IRF8: variants seen among roughly 807,000 people sequenced by gnomAD.
IRF8 encodes the protein interferon consensus sequence binding protein 1.
Under a neutral mutation model 48.7 loss-of-function variants are expected in IRF8, and 14 were observed. The ratio of observed to expected loss-of-function variants is 0.29; its 90% CI spans 0.19 to 0.45. The LOEUF (loss-of-function observed/expected upper bound fraction) is 0.45. IRF8 is among the 20% of genes least tolerant of loss of function. The pLI is 1.00. For missense variants in IRF8, 493 were observed against 580.7 expected, an observed-to-expected ratio of 0.85 and a Z score of 1.55; for synonymous variants, 278 against 227.3, an observed-to-expected ratio of 1.22 and a Z score of -2.01.
At chr16:85,909,951 A>T (rs533631370) in intron 3 of IRF8, 1 of 152,262 alleles carries the variant, frequency 6.6e-6, no homozygotes, top group South Asian at 2.1e-4. Flanking sequence ...AGAATAACCC[A>T]CTCTGGCTTT....
At chr16:85,909,384 T>C in intron 3 of IRF8, 2 of 581,960 alleles carry the variant, frequency 3.4e-6, no homozygotes, top group South Asian at 1.9e-5. Context: ...GCCCAACCTG[T>C]GCCCCACTTG....
At position 85,911,554 on chromosome 16, in the gene IRF8, G is replaced by A. The variant is rs1905142607; in HGVS notation, c.359-16G>A. On this transcript the variant is annotated splice_polypyrimidine_tract_variant and intron_variant, in intron 3 of 8. Coordinates refer to ENST00000268638, the MANE Select transcript of IRF8 (RefSeq NM_002163.4). ...CTCCGTGCCATGTGTCATGGTGTTT[G>A]TCTGGTTTTCTGTAGGCAAACTAGG... 7 of 1,611,304 alleles carry A rather than the reference G, an allele frequency of 4.3e-6. No individual in the cohort carries two copies. The highest frequency in any genetic ancestry group is 2.2e-5 in the East Asian group (1 of 44,892).
chr16:85,918,775 G>C lies in IRF8; in HGVS notation c.960G>C (p.Gln320His). The change falls in exon 7 of 9, where the codon CAG (glutamine) becomes CAC (histidine). Residue 320 changes from glutamine (Q) to histidine (H), a missense_variant. Transcript: ENST00000268638. ...PNKLERDEVVQVFDTSQFFRE... is the reference protein window; with the variant it reads ...PNKLERDEVVHVFDTSQFFRE... The stretch of plus-strand genomic sequence containing the variant: ...AGCTGGAGCGTGATGAGGTGGTCCA[G>C]GTCTTCGACACCAGCCAGTTCTTCC... 6.2e-7 allele frequency: 1 copy of C among 1,610,784 alleles called. No individual in the cohort carries two copies. Among genetic ancestry groups the C allele is most frequent in the Non-Finnish European group, 8.5e-7 (1 of 1,180,030 alleles).
Position 85,918,699 on chromosome 16 carries a change from G to C in IRF8, c.884G>C (p.Gly295Ala). 1 of 1,612,208 alleles carries C rather than the reference G, an allele frequency of 6.2e-7. No individual in the cohort carries two copies. Among genetic ancestry groups the C allele is most frequent in the Non-Finnish European group, 8.5e-7 (1 of 1,179,976 alleles). Residue 295 changes from glycine (G) to alanine (A), a missense_variant, in exon 7 of 9, where the codon GGC becomes GCC. Transcript: ENST00000268638. ...GTGTTCGTCAAGCGGCTGTGCCAGG[G>C]CCGCGTGTTCTGCAGCGGCAACGCC... ...QGVFVKRLCQ[G>A]RVFCSGNAVV... is the part of the protein sequence containing the mutation.
intron 5 of IRF8, 159 bp downstream of exon 5, chr16:85,913,395 C>A (rs548646007): frequency 3.0e-6 from 2 of 661,220 alleles, no homozygotes; most frequent in South Asian, 3.3e-5. Flanking sequence ...GCCCTGGTTT[C>A]CCAACATGAG....
Position 85,903,077 on chromosome 16 carries a change from G to C in IRF8, c.62G>C (p.Ser21Thr). 2 of 1,614,202 alleles carry C rather than the reference G, an allele frequency of 1.2e-6. No homozygotes were observed. Among genetic ancestry groups the C allele is most frequent in the Non-Finnish European group, 8.5e-7 (1 of 1,180,014 alleles). The change falls in exon 2 of 9, where the codon AGC becomes ACC. Residue 21 changes from serine to threonine, a missense_variant. This residue lies in a region of IRF8 where 54 missense variants were observed against 59.9 expected (regional missense o/e 0.90). Coordinates refer to ENST00000268638, the MANE Select transcript of IRF8 (RefSeq NM_002163.4). ...RQWLIEQIDS[S>T]MYPGLIWENE... ...TGGCTGATCGAGCAGATTGACAGTAGCATGTATCCAGGACTGATTTGGGAG... is the reference window on the plus strand; with the variant it reads ...TGGCTGATCGAGCAGATTGACAGTACCATGTATCCAGGACTGATTTGGGAG...
At chr16:85,915,906 T>C (rs998093257) in intron 6 of IRF8, among the ~76,000 whole-genome samples, 69 of 152,328 alleles carry the variant, frequency 4.5e-4, no homozygotes, top group African/African-American at 1.6e-3. Flanking sequence ...CTGTGAGCTT[T>C]GGTACCTCTG....
At chr16:85,903,287 A>G in intron 2 of IRF8, 98 bp downstream of exon 2, 1 of 1,197,998 alleles carries the variant, frequency 8.3e-7, no homozygotes, top group Non-Finnish European at 1.2e-6. Context: ...ATTTACTTAA[A>G]AATTAATCCA....
intron 1 of IRF8, among the ~76,000 whole-genome samples, chr16:85,901,407 A>G (rs1368998132): frequency 6.6e-6 from 1 of 152,142 alleles, no homozygotes; most frequent in African/African-American, 2.4e-5. Flanking sequence ...TGGGAGGATC[A>G]CTTGAGGCCG....
chr16:85,908,595 T>C (rs1373207181), intron 2 of IRF8, among the ~76,000 whole-genome samples: 1 of 152,256 alleles, frequency 6.6e-6, no homozygotes, highest in Non-Finnish European at 1.5e-5. Flanking sequence ...AGCAACAACT[T>C]GTTCTTTGTT....
intron 2 of IRF8, among the ~76,000 whole-genome samples, chr16:85,904,146 G>A (rs1403454921): frequency 6.6e-6 from 1 of 152,230 alleles, no homozygotes; most frequent in East Asian, 1.9e-4. Flanking sequence ...TCAAGGTCAA[G>A]CTAGACTTCC....
intron 6 of IRF8, among the ~76,000 whole-genome samples, chr16:85,916,409 T>G (rs1323423648): frequency 6.6e-6 from 1 of 152,180 alleles, no homozygotes. Flanking sequence ...GGTGAGTGGC[T>G]CTATAAGGGC....
At chr16:85,904,812 C>CTTTTTTTTTTTTTTTT (rs1177860791) in intron 2 of IRF8, among the ~76,000 whole-genome samples, 31 of 87,622 alleles carry the variant, frequency 3.5e-4, no homozygotes, top group East Asian at 7.4e-4. Context: ...GATTGCAGAT[C>CTTTTTTTTTTTTTTTT]TTTTTTTTTT....
intron 2 of IRF8, among the ~76,000 whole-genome samples, chr16:85,908,411 A>C (rs749003317): frequency 6.6e-6 from 1 of 152,214 alleles, no homozygotes; most frequent in Non-Finnish European, 1.5e-5. Flanking sequence ...ACACACACAC[A>C]TTAAAGGGAA....
intron 1 of IRF8, 157 bp from the exon 2 acceptor site, chr16:85,902,858 C>T: frequency 1.3e-6 from 1 of 778,098 alleles, no homozygotes; most frequent in South Asian, 1.5e-5. Flanking sequence ...GCATTGCCTT[C>T]TCATGGCAGG....
chr16:85,915,665 G>A (rs305071), intron 6 of IRF8, among the ~76,000 whole-genome samples: 26,972 of 152,214 alleles, frequency 0.18, 2,916 homozygotes, highest in African/African-American at 0.31. Context: ...TGCTCACAGG[G>A]TCTCAGTTCT....
chr16:85,902,687 G>A (rs1904862481), intron 1 of IRF8: 3 of 378,296 alleles, frequency 7.9e-6, no homozygotes, highest in Admixed American at 3.7e-5. Flanking sequence ...TAAAACTGGA[G>A]CTGTTCACTG....
chr16:85,904,636 A>C (rs1904933395), intron 2 of IRF8, among the ~76,000 whole-genome samples: 1 of 152,074 alleles, frequency 6.6e-6, no homozygotes, highest in Admixed American at 6.6e-5. Context: ...TATGGGGACA[A>C]GGGAACGCTT....
intron 8 of IRF8, 137 bp from the exon 9 acceptor site, chr16:85,920,969 T>C (rs1597258177): frequency 1.1e-6 from 1 of 875,416 alleles, no homozygotes; most frequent in Non-Finnish European, 1.8e-6. Context: ...TGCTTGCCCT[T>C]CCTTGGCATT....
Sources: gnomAD v4.1 joint callset for allele counts (sites outside exome capture counted in the v4.1 genomes callset) on GRCh38, gnomAD v4.1.1 for gene constraint, gnomAD v4.1.1 regional missense constraint, MANE v1.5 for transcripts, NCBI Gene and HGNC (gene_info 2026-07-23, HGNC 2026-07-21) for gene names.